Variants in PCSK5 observed in about 807,000 individuals in gnomAD.
PCSK5 encodes the protein prohormone convertase 5.
Under a neutral mutation model 233.2 loss-of-function variants are expected in PCSK5, and 129 were observed. That is an observed-to-expected ratio of 0.55 (90% CI 0.48 to 0.64). The LOEUF (loss-of-function observed/expected upper bound fraction) is 0.64, where lower values mean the gene tolerates loss of function less well. PCSK5 is among the 30% of genes least tolerant of loss of function. The pLI, the probability that PCSK5 is intolerant of heterozygous loss-of-function variation, is 0.00. For missense variants in PCSK5, 2,076 were observed against 2,430.1 expected (o/e 0.85, Z 3.06); for synonymous variants, 825 against 879.2 (o/e 0.94, Z 1.09).
intron 5 of PCSK5, among the ~76,000 whole-genome samples, chr9:76,064,298 T>G (rs1170839924): frequency 8.1e-5 from 6 of 74,166 alleles, no homozygotes; most frequent in Non-Finnish European, 1.5e-4. Context: ...CACTTCCCAG[T>G]AGGGGCGGCC....
Position 76,204,450 on chromosome 9 carries a change from C to CTCTCCTCTCT in PCSK5, c.2626+14719_2626+14728dup, listed in dbSNP as rs767356692. On this transcript the variant is annotated intron_variant, in intron 20 of 37. Transcript: ENST00000674117. ...TTTTTCTTTCTTTCTTCTCTCTTCC[C>CTCTCCTCTCT]TCTCCTCTCTTCTCCTCTCTTCTCT... 2.0e-5 allele frequency among the ~76,000 whole-genome samples: 3 copies of CTCTCCTCTCT among 151,794 alleles called. No homozygotes were observed. In the East Asian group the frequency reaches 5.8e-4, roughly 29 times the overall value.
Position 75,987,153 on chromosome 9 carries a change from C to T in PCSK5, c.411+908C>T, listed in dbSNP as rs374808452. ...ATCCATAGCATTCCCATAGCTGCCT[C>T]ATGCTTTCCTGGCTCCCTGCCTCCC... On this transcript the variant is annotated intron_variant, in intron 3 of 37. Coordinates refer to ENST00000674117, the MANE Select transcript of PCSK5 (RefSeq NM_001372043.1). 2.0e-5 allele frequency among the ~76,000 whole-genome samples: 3 copies of T among 152,290 alleles called. No individual in the cohort carries two copies. In the East Asian group the frequency reaches 5.8e-4, roughly 29 times the overall value.
intron 35 of PCSK5, among the ~76,000 whole-genome samples, chr9:76,339,076 C>T (rs1016913053): frequency 1.3e-5 from 2 of 151,592 alleles, no homozygotes; most frequent in Non-Finnish European, 2.9e-5. Context: ...TTTGAAGCAG[C>T]CAGCAGGTCA....
intron 24 of PCSK5, among the ~76,000 whole-genome samples, chr9:76,276,141 A>G (rs1185674225): frequency 6.6e-6 from 1 of 151,964 alleles, no homozygotes; most frequent in African/African-American, 2.4e-5. Flanking sequence ...CTTTCTCTCA[A>G]ATCTGAGTTT....
intron 2 of PCSK5, among the ~76,000 whole-genome samples, chr9:75,944,703 T>C (rs1304114685): frequency 6.6e-6 from 1 of 152,188 alleles, no homozygotes; most frequent in African/African-American, 2.4e-5. Flanking sequence ...ATTTCATTAA[T>C]TCCCATTGCT....
At position 75,896,986 on chromosome 9, in the gene PCSK5, G is replaced by C. The variant is rs564489572; in HGVS notation, c.192+5613G>C. On this transcript the variant is annotated intron_variant, in intron 1 of 37. Coordinates refer to ENST00000674117, the MANE Select transcript of PCSK5 (RefSeq NM_001372043.1). ...TAAAATTAGATCGGAAAGAAAACAA[G>C]ACTAAGAGTCAGGTTTGAGTGAAAT... is the stretch of plus-strand genomic sequence containing the variant. 3.5e-4 allele frequency among the ~76,000 whole-genome samples: 53 copies of C among 152,232 alleles called. 1 individual carries two copies. The South Asian group carries it at 6.0e-3, about 17-fold the overall frequency.
At chr9:76,123,473 C>T (rs1401189029) in intron 9 of PCSK5, among the ~76,000 whole-genome samples, 1 of 152,080 alleles carries the variant, frequency 6.6e-6, no homozygotes, top group Non-Finnish European at 1.5e-5. Flanking sequence ...ATAAACATGG[C>T]TTACATTTAC....
intron 7 of PCSK5, among the ~76,000 whole-genome samples, chr9:76,088,790 T>C (rs1476005645): frequency 1.3e-5 from 2 of 152,234 alleles, no homozygotes; most frequent in Non-Finnish European, 2.9e-5. Flanking sequence ...CACCAAGTTA[T>C]GATAAATGTT....
At chr9:76,126,213 A>T (rs534009884) in intron 9 of PCSK5, among the ~76,000 whole-genome samples, 2 of 129,342 alleles carry the variant, frequency 1.5e-5, no homozygotes, top group African/African-American at 2.8e-5. Flanking sequence ...TGTAATTTTT[A>T]AAGTATTTTT....
At chr9:75,944,615 G>C (rs1451313987) in intron 2 of PCSK5, among the ~76,000 whole-genome samples, 1 of 151,954 alleles carries the variant, frequency 6.6e-6, no homozygotes, top group Non-Finnish European at 1.5e-5. Context: ...TTCTGTCTTT[G>C]TTGAGGGCAC....
chr9:76,241,021 A>G (rs1826413892), intron 24 of PCSK5, among the ~76,000 whole-genome samples: 1 of 152,228 alleles, frequency 6.6e-6, no homozygotes, highest in African/African-American at 2.4e-5. Flanking sequence ...TAGCTTCTCA[A>G]GGTGACACAT....
At chr9:75,956,714 G>A (rs1451119331) in intron 2 of PCSK5, among the ~76,000 whole-genome samples, 1 of 151,824 alleles carries the variant, frequency 6.6e-6, no homozygotes. Context: ...ATTAGGAAGA[G>A]GAAATGTCTT....
intron 20 of PCSK5, among the ~76,000 whole-genome samples, chr9:76,210,885 C>G (rs1825303827): frequency 6.6e-6 from 1 of 152,044 alleles, no homozygotes; most frequent in South Asian, 2.1e-4. Context: ...ATAGAACAGA[C>G]TGAAATTGTG....
At chr9:76,007,844 T>TGTGTGTA (rs1554672863) in intron 3 of PCSK5, among the ~76,000 whole-genome samples, 1 of 89,594 alleles carries the variant, frequency 1.1e-5, no homozygotes, top group Non-Finnish European at 2.5e-5. Flanking sequence ...GTGTGTGTAT[T>TGTGTGTA]TTTTGTAGCC....
chr9:76,322,411 T>C lies in PCSK5; in HGVS notation c.4103-641T>C, dbSNP rs1829234453. Among the ~76,000 whole-genome samples, 6 of 152,338 alleles carry C rather than the reference T, an allele frequency of 3.9e-5. No individual in the cohort carries two copies. In the South Asian group the frequency reaches 1.0e-3, roughly 26 times the overall value. ...CTGTGAATGAATTTTGTTGTTTTTT[T>C]CCCTCAGGAATTATCTCCCCCAAAA... On this transcript the variant is annotated intron_variant, in intron 31 of 37. Transcript: ENST00000674117.
chr9:75,943,378 A>G (rs1465081482), intron 2 of PCSK5, among the ~76,000 whole-genome samples: 3 of 152,192 alleles, frequency 2.0e-5, no homozygotes, highest in African/African-American at 7.2e-5. Context: ...ACAAACAAAC[A>G]AAAACCCAGC....
chr9:76,303,800 G>A (rs985515262), intron 28 of PCSK5, among the ~76,000 whole-genome samples: 1 of 152,180 alleles, frequency 6.6e-6, no homozygotes, highest in African/African-American at 2.4e-5. Context: ...AGGTGGCTCT[G>A]CACAAGGCTA....
rs114740222 is a variant in PCSK5 at position 76,061,074 on chromosome 9, T to C, written c.633-6881T>C. 3.4e-3 allele frequency among the ~76,000 whole-genome samples: 514 copies of C among 152,286 alleles called. 3 individuals carry two copies. Among genetic ancestry groups the C allele is most frequent in the African/African-American group, 0.011 (476 of 41,564 alleles). ...GCCATTCAGTGTTAGTACATATTTA[T>C]AAATGGTGTGTTTCATTAGAAAGAT... On this transcript the variant is annotated intron_variant, in intron 5 of 37. Transcript: ENST00000674117.
At chr9:75,940,402 T>G (rs1824247861) in intron 2 of PCSK5, among the ~76,000 whole-genome samples, 1 of 152,240 alleles carries the variant, frequency 6.6e-6, no homozygotes, top group African/African-American at 2.4e-5. Context: ...CATTTATCCA[T>G]AAGCCATTTC....
Sources: gnomAD v4.1 joint callset for allele counts (sites outside exome capture counted in the v4.1 genomes callset) on GRCh38, gnomAD v4.1.1 for gene constraint, MANE v1.5 for transcripts, NCBI Gene and HGNC (gene_info 2026-07-23, HGNC 2026-07-21) for gene names.